The following UGT1A6 variants were observed in gnomAD, a reference collection of about 807,000 sequenced individuals.
UGT1A6 encodes the protein UDP-glucuronosyltransferase 1A6.
A neutral mutation model predicts 44.4 loss-of-function variants in UGT1A6; 32 were observed. The observed-to-expected ratio is 0.72, with a 90% confidence interval of 0.54 to 0.97. The LOEUF is 0.97. Among genes scored for constraint, UGT1A6 ranks in the 50% least tolerant of loss-of-function variants. The probability of loss-of-function intolerance (pLI) is 0.00; values close to 1 mark genes in which losing one functional copy is unlikely to be tolerated. For synonymous variants in UGT1A6, 238 were observed against 248.5 expected (o/e 0.96, Z 0.40); for missense variants, 685 against 661.9 (o/e 1.03, Z -0.38).
intron 1 of UGT1A6, among the ~76,000 whole-genome samples, chr2:233,745,802 C>T (rs1262659143): frequency 2.0e-5 from 3 of 151,022 alleles, no homozygotes; most frequent in Non-Finnish European, 2.9e-5. Context: ...GGGTCTATCC[C>T]AGAGTTTTGA....
intron 1 of UGT1A6, among the ~76,000 whole-genome samples, chr2:233,745,005 A>G (rs1189988608): frequency 6.6e-6 from 1 of 151,852 alleles, no homozygotes; most frequent in Non-Finnish European, 1.5e-5. Context: ...CTTTTACCTA[A>G]TAAATGTAAA....
chr2:233,769,773 T>C lies in UGT1A6; in HGVS notation c.1301+1334T>C. 4 of 1,392,024 alleles carry C rather than the reference T, an allele frequency of 2.9e-6. No individual in the cohort carries two copies. Among genetic ancestry groups the C allele is most frequent in the Non-Finnish European group, 2.8e-6 (3 of 1,065,432 alleles). 86.2% of individuals were successfully genotyped at this position (1,392,024 alleles called of 1,614,324 possible). A position where few individuals can be genotyped will look rare whatever the true frequency, so the allele number is the denominator to read the frequency against. ...TGGAGGCTAAGGCGGGAGGATTGCTTGAGCCCAGAAGTTGGAGGCTGCTAT... is the reference window on the plus strand; with the variant it reads ...TGGAGGCTAAGGCGGGAGGATTGCTCGAGCCCAGAAGTTGGAGGCTGCTAT... On this transcript the variant is annotated intron_variant, in intron 4 of 4. Transcript: ENST00000305139. This position sits in a 1 kb window ranked among gnomAD's most constrained non-coding sequence, Gnocchi z 4.4.
intron 1 of UGT1A6, among the ~76,000 whole-genome samples, chr2:233,727,711 C>T (rs1575572304): frequency 1.3e-5 from 2 of 152,204 alleles, no homozygotes; most frequent in East Asian, 3.8e-4. Context: ...TTCCCAAAGC[C>T]CTTGCAGACC....
At chr2:233,695,293 T>A (rs192204458) in intron 1 of UGT1A6, among the ~76,000 whole-genome samples, 1 of 152,146 alleles carries the variant, frequency 6.6e-6, no homozygotes, top group Admixed American at 6.5e-5. Context: ...TCCCAGCTAA[T>A]TTTTGCATTT....
chr2:233,696,680 A>T (rs1341129173), intron 1 of UGT1A6, among the ~76,000 whole-genome samples: 1 of 152,208 alleles, frequency 6.6e-6, no homozygotes, highest in Admixed American at 6.5e-5. Context: ...CAGTGCTGAC[A>T]GTCAGCATCT....
At chr2:233,756,397 G>GT (rs1005447677) in intron 1 of UGT1A6, 19 of 151,974 alleles carry the variant, frequency 1.3e-4, no homozygotes, top group Admixed American at 5.2e-4. Flanking sequence ...TACAGTATTG[G>GT]TTTTTTATTT....
intron 1 of UGT1A6, chr2:233,760,598 C>A (rs1373476296): frequency 6.2e-7 from 1 of 1,614,208 alleles, no homozygotes; most frequent in East Asian, 2.2e-5. Context: ...GAGAATGATT[C>A]TTTCCTGCAG....
chr2:233,769,848 A>C lies in UGT1A6; in HGVS notation c.1301+1409A>C. ...CCAGCAACCTGGGCAACAGAGTGAG[A>C]CCCTGTCTCAAAAAAAAAAAAAAAA... is the stretch of plus-strand genomic sequence containing the variant. On this transcript the variant is annotated intron_variant, in intron 4 of 4. Transcript: ENST00000305139. The surrounding 1 kb of genome is among the most constrained non-coding windows in gnomAD (Gnocchi z 4.4). The C allele has an allele frequency of 1.9e-5, 9 of 472,234 alleles. No homozygotes were observed. Among genetic ancestry groups the C allele is most frequent in the South Asian group, 5.6e-5 (1 of 17,844 alleles). The allele number at this position is 472,234 out of a possible 1,614,324, so 29.3% of individuals were successfully genotyped here.
chr2:233,730,167 A>T (rs999058879), intron 1 of UGT1A6, among the ~76,000 whole-genome samples: 1 of 152,206 alleles, frequency 6.6e-6, no homozygotes, highest in African/African-American at 2.4e-5. Flanking sequence ...CTAGTAGCGT[A>T]TTTCAGGTTT....
At chr2:233,746,577 T>C (rs1395681338) in intron 1 of UGT1A6, among the ~76,000 whole-genome samples, 4 of 151,762 alleles carry the variant, frequency 2.6e-5, no homozygotes, top group Non-Finnish European at 4.4e-5. Context: ...CACCCTGTAA[T>C]TGCCTAGTTG....
At chr2:233,719,543 A>G (rs756254321) in intron 1 of UGT1A6, 16 of 1,613,668 alleles carry the variant, frequency 9.9e-6, no homozygotes, top group Non-Finnish European at 8.5e-6. Flanking sequence ...TTTTTCAGAG[A>G]GAGGTGTCAG....
chr2:233,710,625 T>C (rs924803053), intron 1 of UGT1A6, among the ~76,000 whole-genome samples: 8 of 152,198 alleles, frequency 5.3e-5, no homozygotes, highest in African/African-American at 1.9e-4. Flanking sequence ...TATATTTGAG[T>C]AGTGAGTTCT....
chr2:233,729,567 T>C (rs764515587), intron 1 of UGT1A6: 23 of 1,614,054 alleles, frequency 1.4e-5, no homozygotes, highest in Non-Finnish European at 1.7e-5. Flanking sequence ...CTTCCTTTGA[T>C]GTGGTTTTAA....
At chr2:233,747,632 C>T in intron 1 of UGT1A6, 1 of 1,580,404 alleles carries the variant, frequency 6.3e-7, no homozygotes, top group Non-Finnish European at 8.7e-7. Flanking sequence ...TGATCAGGCA[C>T]CTGAATGCTA....
At chr2:233,753,742 T>C (rs1695292071) in intron 1 of UGT1A6, 1 of 152,200 alleles carries the variant, frequency 6.6e-6, no homozygotes, top group African/African-American at 2.4e-5. Context: ...AGCACAGCAA[T>C]AGGACAGTTT....
At chr2:233,747,332 A>T in intron 1 of UGT1A6, 1 of 1,603,532 alleles carries the variant, frequency 6.2e-7, no homozygotes, top group Non-Finnish European at 8.5e-7. Flanking sequence ...GATGGCAGCC[A>T]CTGGCTCGCA....
intron 1 of UGT1A6, chr2:233,717,837 C>A (rs761149385): frequency 2.4e-5 from 11 of 455,250 alleles, no homozygotes; most frequent in South Asian, 1.7e-4. Context: ...CTGGAGGAAC[C>A]ATTCTTATCA....
intron 1 of UGT1A6, among the ~76,000 whole-genome samples, chr2:233,703,357 C>G (rs1254530363): frequency 2.0e-5 from 3 of 151,876 alleles, no homozygotes; most frequent in South Asian, 4.1e-4. Context: ...GTTAATCTAA[C>G]TTTAGGTTTA....
At chr2:233,763,395 T>C (rs1347086472) in intron 1 of UGT1A6, among the ~76,000 whole-genome samples, 2 of 152,256 alleles carry the variant, frequency 1.3e-5, no homozygotes, top group African/African-American at 2.4e-5. Context: ...TTAAACAACA[T>C]GGCACTGGTA....
Sources: gnomAD v4.1 joint callset for allele counts (sites outside exome capture counted in the v4.1 genomes callset) on GRCh38, gnomAD v4.1.1 for gene constraint, Gnocchi (gnomAD v3.1) non-coding constraint, MANE v1.5 for transcripts, NCBI Gene and HGNC (gene_info 2026-07-23, HGNC 2026-07-21) for gene names.